The following MYO1D variants were observed in gnomAD, a reference collection of about 807,000 sequenced individuals.
MYO1D encodes unconventional myosin-Id.
In MYO1D, 83 loss-of-function variants were observed where a neutral mutation model predicts 122.0. The ratio of observed to expected loss-of-function variants is 0.68; its 90% CI spans 0.57 to 0.82. The LOEUF (loss-of-function observed/expected upper bound fraction) is 0.82, where lower values mean the gene tolerates loss of function less well. Among genes scored for constraint, MYO1D ranks in the 40% least tolerant of loss-of-function variants. The pLI is 0.00. For missense variants in MYO1D, 1,157 were observed against 1,269.5 expected, an observed-to-expected ratio of 0.91 and a Z score of 1.35; for synonymous variants, 464 against 446.9, an observed-to-expected ratio of 1.04 and a Z score of -0.48.
chr17:32,865,815 C>T (rs1357715000), intron 1 of MYO1D, among the ~76,000 whole-genome samples: 1 of 152,160 alleles, frequency 6.6e-6, no homozygotes, highest in Non-Finnish European at 1.5e-5. Flanking sequence ...GAGGCTAGGA[C>T]AATGAGGAGC....
Position 32,494,826 on chromosome 17 carries a change from A to G in MYO1D, c.2954T>C (p.Leu985Pro). ...KKCTVSVETRLNQPQPDFTKN... is the reference protein window; with the variant it reads ...KKCTVSVETRPNQPQPDFTKN... Reference sequence around the variant, plus strand: ...GGTGAAGTCGGGCTGGGGCTGGTTGAGCCGCGTCTCCACGGAGACGGTGCA... The same window carrying G: ...GGTGAAGTCGGGCTGGGGCTGGTTGGGCCGCGTCTCCACGGAGACGGTGCA... Residue 985 changes from leucine to proline, a missense_variant, in exon 22 of 22, where the codon CTC becomes CCC. Leu to Pro is a moderately conservative substitution (Grantham distance 98). Coordinates refer to ENST00000318217, the MANE Select transcript of MYO1D (RefSeq NM_015194.3). 6.2e-7 allele frequency: 1 copy of G among 1,613,684 alleles called. No individual in the cohort carries two copies. The highest frequency in any genetic ancestry group is 8.5e-7 in the Non-Finnish European group (1 of 1,179,830).
In MYO1D at chr17:32,591,778, T is replaced by C. The variant is rs527990406; in HGVS notation, c.2864+13309A>G. ...TGTCAGTTCATGAAACCAGTGGCCA[T>C]CAAGCTTGAGCATAGGGATCACCTG... is the stretch of plus-strand genomic sequence containing the variant. On this transcript the variant is annotated intron_variant, in intron 21 of 21. Transcript: ENST00000318217. 1.1e-4 allele frequency among the ~76,000 whole-genome samples: 16 copies of C among 152,290 alleles called. No individual in the cohort carries two copies. In the South Asian group the frequency reaches 2.7e-3, roughly 26 times the overall value.
At chr17:32,685,926 C>G (rs2088998878) in intron 16 of MYO1D, among the ~76,000 whole-genome samples, 1 of 152,190 alleles carries the variant, frequency 6.6e-6, no homozygotes, top group African/African-American at 2.4e-5. Context: ...ATTGGATAAA[C>G]TGAGCCAAAA....
intron 21 of MYO1D, among the ~76,000 whole-genome samples, chr17:32,506,144 C>T (rs11655031): frequency 0.34 from 51,983 of 152,138 alleles, 9,892 homozygotes; most frequent in Non-Finnish European, 0.42. Context: ...AGAATTGCTG[C>T]GAGACACCTC....
At chr17:32,674,489 T>C (rs2088774995) in intron 16 of MYO1D, among the ~76,000 whole-genome samples, 2 of 152,192 alleles carry the variant, frequency 1.3e-5, no homozygotes, top group African/African-American at 4.8e-5. Flanking sequence ...GTATGTGCCA[T>C]GCCTTGTCCT....
At chr17:32,750,704 C>T (rs1264779951) in intron 11 of MYO1D, among the ~76,000 whole-genome samples, 2 of 152,178 alleles carry the variant, frequency 1.3e-5, no homozygotes, top group African/African-American at 4.8e-5. Context: ...ATAATCTCAA[C>T]CTGAAAGGTG....
intron 16 of MYO1D, among the ~76,000 whole-genome samples, chr17:32,664,981 T>C (rs1372358171): frequency 6.6e-6 from 1 of 152,152 alleles, no homozygotes; most frequent in Non-Finnish European, 1.5e-5. Context: ...TCCTCTCCCC[T>C]GCTCGCTCCC....
intron 1 of MYO1D, among the ~76,000 whole-genome samples, chr17:32,811,070 C>T (rs957147212): frequency 1.7e-4 from 26 of 152,008 alleles, no homozygotes; most frequent in Non-Finnish European, 2.8e-4. Context: ...CTGAGAGGCA[C>T]CAAAGGATGA....
At chr17:32,766,802 C>G (rs7209130) in intron 7 of MYO1D, among the ~76,000 whole-genome samples, 1 of 150,236 alleles carries the variant, frequency 6.7e-6, no homozygotes, top group South Asian at 2.1e-4. Flanking sequence ...AAAAAGAAAA[C>G]AAAACAACAA....
intron 1 of MYO1D, among the ~76,000 whole-genome samples, chr17:32,836,002 A>G (rs2090818689): frequency 6.6e-6 from 1 of 152,194 alleles, no homozygotes; most frequent in Non-Finnish European, 1.5e-5. Flanking sequence ...GCTCATTCAT[A>G]TTTTTGTAAG....
intron 19 of MYO1D, among the ~76,000 whole-genome samples, chr17:32,648,235 A>G (rs1231540158): frequency 6.9e-6 from 1 of 145,454 alleles, no homozygotes; most frequent in South Asian, 2.1e-4. Context: ...AAAAAACAAA[A>G]CAAACAAGCC....
At chr17:32,859,997 T>C (rs1693548802) in intron 1 of MYO1D, among the ~76,000 whole-genome samples, 1 of 152,206 alleles carries the variant, frequency 6.6e-6, no homozygotes, top group Non-Finnish European at 1.5e-5. Flanking sequence ...GCAGGTTTAA[T>C]AATGGGCATG....
rs534927312 is a variant in MYO1D, at chr17:32,566,127, C to T, written c.2864+38960G>A. On this transcript the variant is annotated intron_variant, in intron 21 of 21. Coordinates refer to ENST00000318217, the MANE Select transcript of MYO1D (RefSeq NM_015194.3). ...AACACATAGTTCCTGTGCTTCTAGA[C>T]GGGGAGGTAGACACAGTCCTCCCCT... Among the ~76,000 whole-genome samples the T allele has an allele frequency of 1.2e-4, 18 of 152,124 alleles. 1 individual carries two copies. The South Asian group carries it at 2.1e-3, about 18-fold the overall frequency.
rs138039699 is a variant in MYO1D at position 32,653,853 on chromosome 17, T to A, written c.2585A>T (p.His862Leu). 2.7e-3 allele frequency: 4,419 copies of A among 1,613,394 alleles called. 20 individuals are homozygous for A. Among genetic ancestry groups the A allele is most frequent in the Middle Eastern group, 6.6e-3 (40 of 6,062 alleles). The change falls in exon 19 of 22, where the codon CAC becomes CTC. Residue 862 changes from histidine (H) to leucine (L), a missense_variant. Physicochemically the swap from His to Leu is moderately conservative, Grantham distance 99. Transcript: ENST00000318217. Reference protein sequence around the residue: ...DKYMNVLFSCHVRKVNRFSKV... With the variant: ...DKYMNVLFSCLVRKVNRFSKV... ...TTAAGCTTGCCTTACCTTACGGACG[T>A]GACAGGAAAAGAGGACATTCATGTA... is the stretch of plus-strand genomic sequence containing the variant.
At chr17:32,743,272 G>C (rs2089792900) in intron 13 of MYO1D, among the ~76,000 whole-genome samples, 1 of 152,158 alleles carries the variant, frequency 6.6e-6, no homozygotes, top group South Asian at 2.1e-4. Flanking sequence ...ATACACTGAT[G>C]ACTGTGAATT....
chr17:32,715,574 CTTCT>C (rs1243542607), intron 15 of MYO1D, among the ~76,000 whole-genome samples: 2 of 152,152 alleles, frequency 1.3e-5, no homozygotes, highest in African/African-American at 2.4e-5. Flanking sequence ...AAGACCTGGA[CTTCT>C]TTCTATGTAT....
chr17:32,733,079 G>A (rs547794870), intron 14 of MYO1D, among the ~76,000 whole-genome samples: 8 of 152,260 alleles, frequency 5.3e-5, no homozygotes, highest in Non-Finnish European at 7.4e-5. Context: ...CCTTATGCTC[G>A]CTCATTCACA....
At chr17:32,810,502 G>C (rs552030657) in intron 1 of MYO1D, among the ~76,000 whole-genome samples, 1 of 148,174 alleles carries the variant, frequency 6.7e-6, no homozygotes, top group African/African-American at 2.5e-5. Context: ...TTTTGAGACA[G>C]AGTCTCGCTC....
At chr17:32,838,086 A>G (rs973412350) in intron 1 of MYO1D, among the ~76,000 whole-genome samples, 3 of 152,132 alleles carry the variant, frequency 2.0e-5, no homozygotes, top group Non-Finnish European at 4.4e-5. Context: ...CCAAGCTTAG[A>G]AATATTTTTT....
Sources: allele counts gnomAD v4.1 joint callset (sites outside exome capture counted in the v4.1 genomes callset), GRCh38; gene constraint gnomAD v4.1.1; transcripts MANE v1.5; gene names NCBI Gene and HGNC (gene_info 2026-07-23, HGNC 2026-07-21).